Variants in MAGI1 observed in about 807,000 individuals in gnomAD.
MAGI1 encodes membrane associated guanylate kinase, WW and PDZ domain containing 1.
MAGI1 carries 58 observed loss-of-function variants against 139.9 expected under a neutral mutation model. The ratio of observed to expected loss-of-function variants is 0.41; its 90% CI spans 0.34 to 0.52. The LOEUF (loss-of-function observed/expected upper bound fraction) is 0.52, where lower values mean the gene tolerates loss of function less well. MAGI1 is among the 20% of genes least tolerant of loss of function. The probability of loss-of-function intolerance (pLI) is 0.12; values close to 1 mark genes in which losing one functional copy is unlikely to be tolerated. For synonymous variants in MAGI1, 812 were observed against 737.9 expected (o/e 1.10, Z -1.63); for missense variants, 1,874 against 1,901.6 (o/e 0.99, Z 0.27).
intron 2 of MAGI1, among the ~76,000 whole-genome samples, chr3:65,617,145 C>G (rs1042189859): frequency 9.9e-5 from 15 of 152,174 alleles, no homozygotes; most frequent in Admixed American, 6.5e-4. Flanking sequence ...CCGTAAAGTC[C>G]TTTAAGTCAA....
chr3:65,550,801 C>A (rs1256501601), intron 2 of MAGI1, among the ~76,000 whole-genome samples: 22 of 146,432 alleles, frequency 1.5e-4, no homozygotes, highest in Non-Finnish European at 1.7e-4. Flanking sequence ...CCCATGTCCA[C>A]AAAAAAAAAA....
intron 1 of MAGI1, among the ~76,000 whole-genome samples, chr3:65,832,108 C>T (rs576871484): frequency 6.6e-6 from 1 of 152,332 alleles, no homozygotes; most frequent in South Asian, 2.1e-4. Context: ...GAGCACCTTT[C>T]TCTTGACTGC....
In MAGI1 at chr3:66,038,073, G is replaced by T; in HGVS notation, c.236C>A (p.Ser79Tyr). 6.2e-7 allele frequency: 1 copy of T among 1,612,860 alleles called. No homozygotes were observed. Among genetic ancestry groups the T allele is most frequent in the Non-Finnish European group, 8.5e-7 (1 of 1,179,614 alleles). Reference protein sequence around the residue: ...LLLEVQGVRVSGLPRYDVLGV... With the variant: ...LLLEVQGVRVYGLPRYDVLGV... ...CAGCACGTCATAGCGGGGCAAGCCG[G>T]ACACCCGGACCCCCTGCACCTCCAG... is the stretch of plus-strand genomic sequence containing the variant. The change falls in exon 1 of 23, where the codon TCC becomes TAC. Residue 79 changes from serine to tyrosine, a missense_variant. By Grantham distance (144) the Ser-to-Tyr change is moderately radical (BLOSUM62 -2). Coordinates refer to ENST00000402939, the MANE Select transcript of MAGI1 (RefSeq NM_001033057.2).
At chr3:65,569,751 C>T (rs2080857513) in intron 2 of MAGI1, among the ~76,000 whole-genome samples, 1 of 151,848 alleles carries the variant, frequency 6.6e-6, no homozygotes, top group Admixed American at 6.6e-5. Context: ...ATGGCATGCG[C>T]CTGTAGTCCC....
At position 65,401,925 on chromosome 3, in the gene MAGI1, A is replaced by T. The variant is rs934617317; in HGVS notation, c.2168-455T>A. 16 of 984,198 alleles carry T rather than the reference A, an allele frequency of 1.6e-5. No individual in the cohort carries two copies. In the African/African-American group the frequency reaches 2.6e-4, roughly 16 times the overall value. 61.0% of individuals were successfully genotyped at this position (984,198 alleles called of 1,614,324 possible). ...TAGTTTCAAAGGAGTACATGGTTAAAATTAAAAAAATTTTTTTGGTCTTTT... is the reference window on the plus strand; with the variant it reads ...TAGTTTCAAAGGAGTACATGGTTAATATTAAAAAAATTTTTTTGGTCTTTT... On this transcript the variant is annotated intron_variant, in intron 12 of 22. Coordinates refer to ENST00000402939, the MANE Select transcript of MAGI1 (RefSeq NM_001033057.2).
chr3:65,500,428 C>A (rs555158568), intron 2 of MAGI1, among the ~76,000 whole-genome samples: 1 of 152,290 alleles, frequency 6.6e-6, no homozygotes, highest in African/African-American at 2.4e-5. Context: ...CTGCTTCTTA[C>A]ACACATTTTA....
intron 1 of MAGI1, among the ~76,000 whole-genome samples, chr3:65,824,644 A>G (rs573642501): frequency 1.3e-5 from 2 of 152,330 alleles, no homozygotes; most frequent in South Asian, 4.1e-4. Context: ...TCATGAATTG[A>G]ACAAAGAGAC....
intron 2 of MAGI1, among the ~76,000 whole-genome samples, chr3:65,495,167 G>C (rs4688238): frequency 0.25 from 37,341 of 152,032 alleles, 4,875 homozygotes; most frequent in African/African-American, 0.31. Context: ...GTCTGGAGTG[G>C]GAATCCTAGG....
At chr3:65,835,425 G>A (rs538503001) in intron 1 of MAGI1, among the ~76,000 whole-genome samples, 3 of 152,312 alleles carry the variant, frequency 2.0e-5, no homozygotes, top group East Asian at 3.9e-4. Context: ...AATGACAAAT[G>A]TACCAGCAAG....
intron 2 of MAGI1, among the ~76,000 whole-genome samples, chr3:65,605,327 A>G (rs1310811090): frequency 6.6e-6 from 1 of 152,198 alleles, no homozygotes; most frequent in African/African-American, 2.4e-5. Flanking sequence ...CACCATGTGC[A>G]TCTTTGAAAA....
Position 65,519,335 on chromosome 3 carries a change from GACACACACACACACACACACAC to G in MAGI1, c.431-25726_431-25705del, listed in dbSNP as rs35232258. On this transcript the variant is annotated intron_variant, in intron 2 of 22. Coordinates refer to ENST00000402939, the MANE Select transcript of MAGI1 (RefSeq NM_001033057.2). Reference sequence around the variant, plus strand: ...TTTCATCACAGGAGTATCATGATCTGACACACACACACACACACACACACACACACACACACACACACACACA... The same window carrying G: ...TTTCATCACAGGAGTATCATGATCTGACACACACACACACACACACACACA... 2.8e-3 allele frequency among the ~76,000 whole-genome samples: 386 copies of G among 139,246 alleles called. 4 individuals carry two copies. The highest frequency in any genetic ancestry group is 9.9e-3 in the Admixed American group (137 of 13,826). The allele number at this position is 139,246 out of a possible 152,430, so 91.4% of individuals were successfully genotyped here.
At chr3:66,001,086 A>C (rs1306240700) in intron 1 of MAGI1, among the ~76,000 whole-genome samples, 1 of 152,210 alleles carries the variant, frequency 6.6e-6, no homozygotes, top group East Asian at 1.9e-4. Context: ...AAAGGTCTTT[A>C]GAAAATAATA....
intron 1 of MAGI1, among the ~76,000 whole-genome samples, chr3:65,884,922 G>A (rs2108543910): frequency 6.6e-6 from 1 of 152,230 alleles, no homozygotes; most frequent in African/African-American, 2.4e-5. Context: ...CTAAAACCAA[G>A]TAATTCCACA....
chr3:65,562,342 C>T (rs142686758), intron 2 of MAGI1, among the ~76,000 whole-genome samples: 13 of 152,238 alleles, frequency 8.5e-5, no homozygotes, highest in South Asian at 4.1e-4. Flanking sequence ...TTACAGAATG[C>T]CACTCATTGT....
At chr3:65,949,581 C>A (rs2063699239) in intron 1 of MAGI1, among the ~76,000 whole-genome samples, 1 of 152,190 alleles carries the variant, frequency 6.6e-6, no homozygotes, top group African/African-American at 2.4e-5. Flanking sequence ...AAGTATGAGA[C>A]ATGCCTCCAA....
intron 1 of MAGI1, among the ~76,000 whole-genome samples, chr3:65,853,192 G>A (rs984235694): frequency 3.3e-5 from 5 of 151,964 alleles, no homozygotes; most frequent in African/African-American, 1.2e-4. Flanking sequence ...ATTAATTGTG[G>A]TTTCTACTCT....
At chr3:65,950,709 C>T (rs1349807319) in intron 1 of MAGI1, among the ~76,000 whole-genome samples, 2 of 152,018 alleles carry the variant, frequency 1.3e-5, no homozygotes, top group Non-Finnish European at 2.9e-5. Flanking sequence ...CAAAATGCTA[C>T]CCCCCACTGG....
At chr3:65,896,523 A>T (rs1559988284) in intron 1 of MAGI1, among the ~76,000 whole-genome samples, 1 of 152,184 alleles carries the variant, frequency 6.6e-6, no homozygotes, top group South Asian at 2.1e-4. Flanking sequence ...AAAACATGAA[A>T]AACTGGCTGG....
chr3:65,859,933 G>A (rs2059497986), intron 1 of MAGI1, among the ~76,000 whole-genome samples: 1 of 146,002 alleles, frequency 6.8e-6, no homozygotes, highest in Admixed American at 6.8e-5. Context: ...ACACAATTTT[G>A]CTATTGTTGC....
Sources: gnomAD v4.1 joint callset for allele counts (sites outside exome capture counted in the v4.1 genomes callset) on GRCh38, gnomAD v4.1.1 for gene constraint, MANE v1.5 for transcripts, NCBI Gene and HGNC (gene_info 2026-07-23, HGNC 2026-07-21) for gene names.